Variants in LHX8 observed in about 807,000 individuals in gnomAD.
LHX8 encodes the protein LIM/homeobox protein Lhx8.
LHX8 carries 12 observed loss-of-function variants against 40.3 expected under a neutral mutation model. The observed-to-expected ratio is 0.30, with a 90% CI of 0.19 to 0.48. The LOEUF is 0.48. LHX8 is among the 20% of genes least tolerant of loss of function. The pLI, the probability that LHX8 is intolerant of heterozygous loss-of-function variation, is 0.99. For synonymous variants in LHX8, 179 were observed against 162.0 expected, an observed-to-expected ratio of 1.10 and a Z score of -0.80; for missense variants, 344 against 433.7, an observed-to-expected ratio of 0.79 and a Z score of 1.84.
intron 2 of LHX8, 31 bp from the exon 3 acceptor site, chr1:75,137,069 A>G (rs752742231): frequency 5.7e-6 from 9 of 1,585,962 alleles, no homozygotes; most frequent in Non-Finnish European, 6.9e-6. Flanking sequence ...GGAGGGGTCT[A>G]GAACCGCCTG....
At chr1:75,187,064 C>G in the LHX8 span, among the ~76,000 whole-genome samples, 3 of 152,118 alleles carry the variant, frequency 2.0e-5, no homozygotes, top group Non-Finnish European at 4.4e-5. Flanking sequence ...CGGTAAGCAG[C>G]CTCTTTTTGC....
chr1:75,188,246 C>T, the LHX8 span, among the ~76,000 whole-genome samples: 1 of 151,830 alleles, frequency 6.6e-6, no homozygotes. Flanking sequence ...TTATCCAGGG[C>T]AGGGAAAGAC....
intron 7 of LHX8, among the ~76,000 whole-genome samples, chr1:75,150,142 G>A (rs951962496): frequency 1.3e-5 from 2 of 152,186 alleles, no homozygotes; most frequent in Non-Finnish European, 2.9e-5. Context: ...GGAGGCTGAG[G>A]TGGGAGGGTC....
rs750917640 is a variant in LHX8 at position 75,143,130 on chromosome 1, TC to T, written c.373del (p.Arg125AlafsTer63). ...KLDYFRRYGT[R>X]CSRCGRHIHS... ...CTATTTAATGTAGAAGGTATGGAAC[TC>T]GCTGCTCTCGATGTGGGAGACACAT... On this transcript the variant is annotated frameshift_variant, in exon 5 of 9. Transcript: ENST00000356261. LOFTEE classifies it high-confidence loss of function. The T allele has an allele frequency of 6.2e-7, 1 of 1,613,568 alleles. No homozygotes were observed.
intron 8 of LHX8, chr1:75,159,448 TTTC>T (rs1648857878): frequency 6.6e-6 from 1 of 152,130 alleles, no homozygotes; most frequent in Admixed American, 6.6e-5. Flanking sequence ...ATTTTCTTGT[TTTC>T]TTCTGAACTA....
At chr1:75,128,927 T>C (rs1455540846) in intron 1 of LHX8, among the ~76,000 whole-genome samples, 1 of 152,168 alleles carries the variant, frequency 6.6e-6, no homozygotes, top group Non-Finnish European at 1.5e-5. Context: ...CATGACCCTC[T>C]GAACCCCTAG....
At chr1:75,134,142 T>G (rs1215177249), upstream of LHX8, among the ~76,000 whole-genome samples, 2 of 152,108 alleles carry the variant, frequency 1.3e-5, no homozygotes, top group African/African-American at 4.8e-5. Context: ...AGACAGCAGA[T>G]TTTTTAAAGT....
At chr1:75,131,259 T>C (rs943470341), upstream of LHX8, 40 of 182,958 alleles carry the variant, frequency 2.2e-4, no homozygotes, top group African/African-American at 8.4e-4. Flanking sequence ...AATCCGAGTT[T>C]CCGGAGATTG....
downstream of LHX8, among the ~76,000 whole-genome samples, chr1:75,166,483 T>G (rs574309037): frequency 3.9e-5 from 6 of 152,316 alleles, no homozygotes; most frequent in Non-Finnish European, 8.8e-5. Flanking sequence ...CAAATTCAAT[T>G]TCAAAATATT....
At chr1:75,156,014 T>A (rs1318055) in intron 7 of LHX8, among the ~76,000 whole-genome samples, 21,603 of 150,746 alleles carry the variant, frequency 0.14, 1,676 homozygotes, top group Middle Eastern at 0.24. Flanking sequence ...TTTTTTTTTT[T>A]AAGTTCTGAT....
At chr1:75,175,936 C>T in the LHX8 span, among the ~76,000 whole-genome samples, 1 of 152,066 alleles carries the variant, frequency 6.6e-6, no homozygotes, top group African/African-American at 2.4e-5. Context: ...GCTTTCTGTC[C>T]TTGTGATAGT....
chr1:75,180,903 A>G, the LHX8 span, among the ~76,000 whole-genome samples: 1 of 152,060 alleles, frequency 6.6e-6, no homozygotes, highest in Non-Finnish European at 1.5e-5. Flanking sequence ...GTTGATGTTG[A>G]TGCTATTCCT....
the LHX8 span, among the ~76,000 whole-genome samples, chr1:75,182,250 T>G: frequency 6.6e-6 from 1 of 152,174 alleles, no homozygotes; most frequent in Non-Finnish European, 1.5e-5. Context: ...ATTTGTTGAA[T>G]AGGATGTCCT....
the LHX8 span, among the ~76,000 whole-genome samples, chr1:75,192,222 C>T: frequency 6.6e-6 from 1 of 152,146 alleles, no homozygotes; most frequent in Admixed American, 6.5e-5. Context: ...AAGCATTTCA[C>T]ATTAGAGTTG....
rs751940984 is a variant in LHX8, at chr1:75,141,011, G to C, written c.264G>C (p.Arg88=). ...LKVNDLCWHV[R]CLSCSVCRTS... ...TGAATGACCTATGCTGGCATGTCCGGTGTCTCTCCTGCAGTGTTTGCAGAA... is the reference window on the plus strand; with the variant it reads ...TGAATGACCTATGCTGGCATGTCCGCTGTCTCTCCTGCAGTGTTTGCAGAA... The change falls in exon 4 of 9, where the codon CGG becomes CGC. Residue 88 remains arginine (R), a synonymous_variant. Coordinates refer to ENST00000356261, the MANE Select transcript of LHX8 (RefSeq NM_001256114.2). 6.2e-7 allele frequency: 1 copy of C among 1,613,566 alleles called. No homozygotes were observed. The highest frequency in any genetic ancestry group is 1.1e-5 in the South Asian group (1 of 91,082).
At chr1:75,135,328 A>C (rs1174158286) in intron 1 of LHX8, among the ~76,000 whole-genome samples, 2 of 152,360 alleles carry the variant, frequency 1.3e-5, no homozygotes, top group East Asian at 3.9e-4. Context: ...GGGCCTCAGC[A>C]GGACGCGCGC....
chr1:75,169,771 T>A, the LHX8 span, among the ~76,000 whole-genome samples: 1 of 152,208 alleles, frequency 6.6e-6, no homozygotes, highest in Non-Finnish European at 1.5e-5. Flanking sequence ...AAAAATTTAT[T>A]CCCCAGAAGC....
Position 75,160,931 on chromosome 1 carries a change from A to C in LHX8, c.*36A>C. 7.0e-7 allele frequency: 1 copy of C among 1,436,378 alleles called. No homozygotes were observed. Among genetic ancestry groups the C allele is most frequent in the African/African-American group, 1.4e-5 (1 of 71,368 alleles). 89.0% of individuals were successfully genotyped at this position (1,436,378 alleles called of 1,614,324 possible). A position where few individuals can be genotyped will look rare whatever the true frequency, so the allele number is the denominator to read the frequency against. The stretch of plus-strand genomic sequence containing the variant: ...AGGGATAGACTTGATTAAGGATATA[A>C]ATTTGTCATTTATTATGTATAAAAT... On this transcript the variant is annotated 3_prime_UTR_variant, in exon 9 of 9. Coordinates refer to ENST00000356261, the MANE Select transcript of LHX8 (RefSeq NM_001256114.2).
the LHX8 span, among the ~76,000 whole-genome samples, chr1:75,185,935 C>A: frequency 6.6e-6 from 1 of 152,114 alleles, no homozygotes; most frequent in Non-Finnish European, 1.5e-5. Flanking sequence ...AGAATGCAAT[C>A]CTATTCACAA....
Sources: allele counts gnomAD v4.1 joint callset (sites outside exome capture counted in the v4.1 genomes callset), GRCh38; gene constraint gnomAD v4.1.1; transcripts MANE v1.5; gene names NCBI Gene and HGNC (gene_info 2026-07-23, HGNC 2026-07-21).